Variants in DPP10 observed in about 807,000 individuals in gnomAD.
DPP10 encodes the protein dipeptidyl peptidase like 10.
DPP10 carries 33 observed loss-of-function variants against 120.9 expected under a neutral mutation model. That is an observed-to-expected ratio of 0.27 (90% confidence interval 0.21 to 0.37). The LOEUF (loss-of-function observed/expected upper bound fraction) is 0.37, where lower values mean the gene tolerates loss of function less well. DPP10 is among the 10% of genes least tolerant of loss of function. The pLI is 1.00. For missense variants in DPP10, 816 were observed against 942.8 expected (o/e 0.87, Z 1.76); for synonymous variants, 337 against 326.1 (o/e 1.03, Z -0.36).
chr2:115,714,756 G>A (rs967851348), intron 7 of DPP10, among the ~76,000 whole-genome samples: 1 of 152,126 alleles, frequency 6.6e-6, no homozygotes, highest in Non-Finnish European at 1.5e-5. Context: ...CTGGATGGGC[G>A]CCGTGGCTCA....
At chr2:115,428,536 G>A (rs1003681795) in intron 3 of DPP10, among the ~76,000 whole-genome samples, 5 of 152,052 alleles carry the variant, frequency 3.3e-5, no homozygotes, top group Non-Finnish European at 7.4e-5. Flanking sequence ...GGTGAGATGA[G>A]GGGTTCAGGG....
At chr2:115,484,199 C>A (rs1045177108) in intron 3 of DPP10, among the ~76,000 whole-genome samples, 5 of 151,724 alleles carry the variant, frequency 3.3e-5, no homozygotes, top group Non-Finnish European at 5.9e-5. Context: ...GTCAATTTTC[C>A]TGTACTTACC....
At chr2:115,129,478 T>C (rs75845161) in intron 1 of DPP10, among the ~76,000 whole-genome samples, 1,758 of 152,306 alleles carry the variant, frequency 0.012, 13 homozygotes, top group Non-Finnish European at 0.019. Flanking sequence ...TATGATTCCC[T>C]TAAGTTTCCA....
intron 1 of DPP10, among the ~76,000 whole-genome samples, chr2:114,775,243 G>A (rs572710053): frequency 3.3e-5 from 5 of 152,162 alleles, no homozygotes; most frequent in Admixed American, 1.3e-4. Flanking sequence ...AGGTCATAAA[G>A]TGTCCAAAGA....
chr2:115,413,971 G>C (rs1475588280), intron 3 of DPP10, among the ~76,000 whole-genome samples: 1 of 151,958 alleles, frequency 6.6e-6, no homozygotes, highest in Non-Finnish European at 1.5e-5. Context: ...ATTCTGACTA[G>C]AGCCTAAGAA....
chr2:115,021,983 C>T (rs1703108604), intron 1 of DPP10, among the ~76,000 whole-genome samples: 1 of 151,914 alleles, frequency 6.6e-6, no homozygotes, highest in Non-Finnish European at 1.5e-5. Flanking sequence ...AAACCCTCAG[C>T]AAAATTGGCC....
intron 3 of DPP10, among the ~76,000 whole-genome samples, chr2:115,474,558 T>G (rs1383136088): frequency 6.6e-6 from 1 of 152,106 alleles, no homozygotes; most frequent in Non-Finnish European, 1.5e-5. Flanking sequence ...TGGATTAGGG[T>G]ATCTGGTAGA....
intron 1 of DPP10, among the ~76,000 whole-genome samples, chr2:114,605,571 T>C (rs546062951): frequency 5.3e-5 from 8 of 152,264 alleles, no homozygotes; most frequent in Admixed American, 1.3e-4. Context: ...TGATAAGCTT[T>C]CCAGTCAGGG....
At chr2:115,537,145 A>G (rs2078899977) in intron 5 of DPP10, among the ~76,000 whole-genome samples, 1 of 152,080 alleles carries the variant, frequency 6.6e-6, no homozygotes, top group Non-Finnish European at 1.5e-5. Flanking sequence ...TTAGCTTTGC[A>G]TTCATTTACA....
intron 3 of DPP10, among the ~76,000 whole-genome samples, chr2:115,450,386 G>C (rs1417477556): frequency 1.3e-5 from 2 of 151,970 alleles, no homozygotes; most frequent in Non-Finnish European, 2.9e-5. Context: ...ACCAGCATAA[G>C]TTGAAGACCA....
chr2:115,073,476 G>T (rs1310400498), intron 1 of DPP10, among the ~76,000 whole-genome samples: 1 of 152,148 alleles, frequency 6.6e-6, no homozygotes, highest in Non-Finnish European at 1.5e-5. Context: ...AACTTACCTA[G>T]CTCTAAGATG....
chr2:115,650,052 G>A (rs955691985), intron 5 of DPP10, among the ~76,000 whole-genome samples: 1 of 152,098 alleles, frequency 6.6e-6, no homozygotes, highest in Middle Eastern at 3.2e-3. Context: ...ATAGGGAACA[G>A]CATTTTTTCC....
chr2:114,906,338 C>T (rs986297755), intron 1 of DPP10, among the ~76,000 whole-genome samples: 4 of 151,144 alleles, frequency 2.6e-5, no homozygotes, highest in Non-Finnish European at 4.4e-5. Context: ...TAGCGGAGAT[C>T]GCACCACTTC....
At chr2:114,916,085 CTAAT>C (rs974010572) in intron 1 of DPP10, among the ~76,000 whole-genome samples, 26 of 151,902 alleles carry the variant, frequency 1.7e-4, no homozygotes, top group African/African-American at 6.0e-4. Flanking sequence ...ATTAGCTAGA[CTAAT>C]AAAGAAAAAA....
At chr2:114,850,848 T>C (rs1688895065) in intron 1 of DPP10, among the ~76,000 whole-genome samples, 1 of 150,408 alleles carries the variant, frequency 6.6e-6, no homozygotes, top group Non-Finnish European at 1.5e-5. Flanking sequence ...CAGAATATTA[T>C]TTTTTTTTTC....
chr2:115,841,604 G>A (rs1690154414), intron 25 of DPP10, among the ~76,000 whole-genome samples: 1 of 152,184 alleles, frequency 6.6e-6, no homozygotes, highest in Admixed American at 6.5e-5. Flanking sequence ...AAGCAATGTT[G>A]AGGAGTATGG....
intron 1 of DPP10, among the ~76,000 whole-genome samples, chr2:114,528,213 G>A (rs1181140656): frequency 6.6e-6 from 1 of 152,152 alleles, no homozygotes; most frequent in African/African-American, 2.4e-5. Flanking sequence ...AGGAGACACT[G>A]CCTAAGGGAT....
At chr2:115,528,588 A>C (rs928695605) in intron 5 of DPP10, among the ~76,000 whole-genome samples, 2 of 152,090 alleles carry the variant, frequency 1.3e-5, no homozygotes, top group Non-Finnish European at 2.9e-5. Flanking sequence ...CTTATTTATA[A>C]TAGCCAAAAA....
At chr2:115,219,717 T>C (rs1335541979) in intron 1 of DPP10, among the ~76,000 whole-genome samples, 1 of 152,200 alleles carries the variant, frequency 6.6e-6, no homozygotes, top group African/African-American at 2.4e-5. Context: ...TTAAATATTG[T>C]TAGTCACACT....
Sources: gnomAD v4.1 joint callset for allele counts (sites outside exome capture counted in the v4.1 genomes callset) on GRCh38, gnomAD v4.1.1 for gene constraint, MANE v1.5 for transcripts, NCBI Gene and HGNC (gene_info 2026-07-23, HGNC 2026-07-21) for gene names.